Variants in ADGRL2 observed in about 807,000 individuals in gnomAD.
ADGRL2 encodes calcium-independent alpha-latrotoxin receptor 2.
Under a neutral mutation model 157.4 loss-of-function variants are expected in ADGRL2, and 44 were observed. That is an observed-to-expected ratio of 0.28 (90% CI 0.22 to 0.36). The LOEUF is 0.36. Among genes scored for constraint, ADGRL2 ranks in the 10% least tolerant of loss-of-function variants. The pLI, the probability that ADGRL2 is intolerant of heterozygous loss-of-function variation, is 1.00. For synonymous variants in ADGRL2, 585 were observed against 624.7 expected, an observed-to-expected ratio of 0.94 and a Z score of 0.95; for missense variants, 1,510 against 1,768.9, an observed-to-expected ratio of 0.85 and a Z score of 2.63.
chr1:81,493,488 C>T (rs2078674706), intron 2 of ADGRL2, among the ~76,000 whole-genome samples: 1 of 152,080 alleles, frequency 6.6e-6, no homozygotes, highest in African/African-American at 2.4e-5. Flanking sequence ...AGGCCTATTT[C>T]TCAAAAGTGT....
At chr1:81,953,548 A>C (rs543036438) in intron 10 of ADGRL2, among the ~76,000 whole-genome samples, 2 of 152,250 alleles carry the variant, frequency 1.3e-5, no homozygotes, top group East Asian at 3.9e-4. Context: ...ATATAATTTG[A>C]CTGTGATATC....
intron 1 of ADGRL2, among the ~76,000 whole-genome samples, chr1:81,344,237 G>C (rs1006574602): frequency 2.0e-5 from 3 of 152,020 alleles, no homozygotes; most frequent in African/African-American, 7.2e-5. Context: ...GCCCTAATTC[G>C]ATGTTCTATG....
intron 1 of ADGRL2, among the ~76,000 whole-genome samples, chr1:81,344,944 C>A (rs964010444): frequency 3.9e-5 from 6 of 152,070 alleles, no homozygotes; most frequent in Non-Finnish European, 8.8e-5. Context: ...TAAATTCATT[C>A]ATTCATCAAC....
chr1:81,838,483 C>T (rs1314925277), intron 2 of ADGRL2, among the ~76,000 whole-genome samples: 1 of 151,980 alleles, frequency 6.6e-6, no homozygotes, highest in Non-Finnish European at 1.5e-5. Context: ...ATGAATAATA[C>T]TATCATAAAC....
chr1:81,336,782 C>A (rs1409400924), intron 1 of ADGRL2, among the ~76,000 whole-genome samples: 2 of 152,132 alleles, frequency 1.3e-5, no homozygotes, highest in East Asian at 1.9e-4. Flanking sequence ...GCCCCACCCT[C>A]GAGCCTGGAC....
At chr1:81,408,918 C>A (rs1220403905) in intron 1 of ADGRL2, among the ~76,000 whole-genome samples, 1 of 152,172 alleles carries the variant, frequency 6.6e-6, no homozygotes, top group East Asian at 1.9e-4. Flanking sequence ...CTTTCTATTT[C>A]TTTGGATCAA....
intron 2 of ADGRL2, among the ~76,000 whole-genome samples, chr1:81,848,387 T>C (rs760815924): frequency 6.6e-6 from 1 of 151,808 alleles, no homozygotes; most frequent in Non-Finnish European, 1.5e-5. Flanking sequence ...AATTTTTCAT[T>C]TTACAGATGA....
chr1:81,478,975 A>G (rs1295475949), intron 2 of ADGRL2, among the ~76,000 whole-genome samples: 1 of 152,104 alleles, frequency 6.6e-6, no homozygotes, highest in East Asian at 1.9e-4. Context: ...TGAAAGCTTA[A>G]TGATCTTCTG....
At chr1:81,444,301 CA>C (rs538934555) in intron 1 of ADGRL2, among the ~76,000 whole-genome samples, 222 of 152,204 alleles carry the variant, frequency 1.5e-3, no homozygotes, top group African/African-American at 5.1e-3. Flanking sequence ...ACCAGTAAAG[CA>C]AACAAAAAGT....
chr1:81,373,929 T>A (rs1249107808), intron 1 of ADGRL2, among the ~76,000 whole-genome samples: 1 of 152,188 alleles, frequency 6.6e-6, no homozygotes, highest in African/African-American at 2.4e-5. Context: ...ATTCAATAAA[T>A]GTGATCATGT....
At chr1:81,392,676 T>C (rs2076581066) in intron 1 of ADGRL2, among the ~76,000 whole-genome samples, 1 of 152,116 alleles carries the variant, frequency 6.6e-6, no homozygotes. Context: ...ATTAGGGAGA[T>C]ATGTGTTTGA....
chr1:81,900,243 A>G (rs1007806928), intron 2 of ADGRL2, among the ~76,000 whole-genome samples: 2 of 152,224 alleles, frequency 1.3e-5, no homozygotes, highest in African/African-American at 4.8e-5. Context: ...ATTGTCAACA[A>G]CAACCATTTT....
At position 81,943,013 on chromosome 1, in the gene ADGRL2, T is replaced by C. The variant is rs1344863320; in HGVS notation, c.454T>C (p.Cys152Arg). ...CTTGAAAGCAATTGTGGACTCACCA[T>C]GTATATATGAAGCTGAACAAAAGGC... ...GTLKAIVDSPCIYEAEQKAGA... is the reference protein window; with the variant it reads ...GTLKAIVDSPRIYEAEQKAGA... Residue 152 changes from cysteine to arginine, a missense_variant, in exon 6 of 24, where the codon TGT becomes CGT. By Grantham distance (180) the Cys-to-Arg change is radical (BLOSUM62 -3). Around this residue, in one of 4 missense-constraint regions of ADGRL2, gnomAD observed 361 missense variants for 498.4 expected, o/e 0.72. Coordinates refer to ENST00000686636, the MANE Select transcript of ADGRL2 (RefSeq NM_001366006.2). The surrounding 1 kb of genome is among the most constrained non-coding windows in gnomAD (Gnocchi z 5.6). The C allele has an allele frequency of 6.8e-6, 11 of 1,613,124 alleles. No homozygotes were observed. The Admixed American group carries it at 1.7e-4, about 24-fold the overall frequency.
At chr1:81,409,908 A>T (rs181768781) in intron 1 of ADGRL2, among the ~76,000 whole-genome samples, 2 of 152,350 alleles carry the variant, frequency 1.3e-5, no homozygotes, top group Admixed American at 1.3e-4. Flanking sequence ...CCTTTGGTAT[A>T]TTAATGACTA....
intron 2 of ADGRL2, among the ~76,000 whole-genome samples, chr1:81,905,908 ATAT>A (rs2094574162): frequency 6.6e-6 from 1 of 151,970 alleles, no homozygotes; most frequent in Admixed American, 6.6e-5. Flanking sequence ...ATTTGTATAG[ATAT>A]TTCAGTACAA....
At chr1:81,578,821 T>G (rs1334329545) in intron 2 of ADGRL2, among the ~76,000 whole-genome samples, 2 of 152,184 alleles carry the variant, frequency 1.3e-5, no homozygotes, top group Non-Finnish European at 2.9e-5. Context: ...ATTTTTCTAT[T>G]GCACATTTAT....
chr1:81,814,775 T>C (rs1184087618), intron 1 of ADGRL2, among the ~76,000 whole-genome samples: 2 of 150,714 alleles, frequency 1.3e-5, no homozygotes, highest in Non-Finnish European at 3.0e-5. Context: ...TTTTATTATC[T>C]ACACTGAATG....
rs534998561 is a variant in ADGRL2 at position 81,661,089 on chromosome 1, C to T, written c.-143+80109C>T. 2.0e-5 allele frequency among the ~76,000 whole-genome samples: 3 copies of T among 152,306 alleles called. No homozygotes were observed. The East Asian group carries it at 5.8e-4, about 29-fold the overall frequency. ...TTTAATTCTATGCTAAGACTTTTTA[C>T]ACCAGCTCCTCTTTTACTTTCTTTA... On this transcript the variant is annotated intron_variant, in intron 3 of 24. Transcript: ENST00000370721.
intron 2 of ADGRL2, among the ~76,000 whole-genome samples, chr1:81,572,070 T>A (rs2148500943): frequency 6.6e-6 from 1 of 152,242 alleles, no homozygotes; most frequent in Non-Finnish European, 1.5e-5. Context: ...AATTATAGAA[T>A]AGAATGAACA....
Sources: gnomAD v4.1 joint callset for allele counts (sites outside exome capture counted in the v4.1 genomes callset) on GRCh38, gnomAD v4.1.1 for gene constraint, gnomAD v4.1.1 regional missense constraint, Gnocchi (gnomAD v3.1) non-coding constraint, MANE v1.5 for transcripts, NCBI Gene and HGNC (gene_info 2026-07-23, HGNC 2026-07-21) for gene names.